LRRC4C: variants seen among roughly 807,000 people sequenced by gnomAD.
The protein encoded by LRRC4C is leucine-rich repeat-containing protein 4C.
In LRRC4C, 5 loss-of-function variants were observed where a neutral mutation model predicts 33.6. That is an observed-to-expected ratio of 0.15 (90% CI 0.08 to 0.31). The LOEUF (loss-of-function observed/expected upper bound fraction) is 0.31, where lower values mean the gene tolerates loss of function less well. Among genes scored for constraint, LRRC4C ranks in the 10% least tolerant of loss-of-function variants. LRRC4C has a pLI of 1.00. For missense variants in LRRC4C, 560 were observed against 796.7 expected, an observed-to-expected ratio of 0.70 and a Z score of 3.58; for synonymous variants, 329 against 302.0, an observed-to-expected ratio of 1.09 and a Z score of -0.93.
Position 40,115,066 on chromosome 11 carries a change from A to G in LRRC4C, c.1227T>C (p.Gly409=). The G allele has an allele frequency of 6.2e-7, 1 of 1,614,232 alleles. No homozygotes were observed. Among genetic ancestry groups the G allele is most frequent in the Non-Finnish European group, 8.5e-7 (1 of 1,180,048 alleles). ...YKVRIAVLSD[G]TLNFTNVTVQ... is the part of the protein sequence containing the mutation. ...CAGTTACATTTGTGAAATTTAACGT[A>G]CCATCACTGAGCACAGCTATCCGCA... The change falls in exon 7 of 7, where the codon GGT becomes GGC. Residue 409 remains glycine, a synonymous_variant. Coordinates refer to ENST00000528697, the MANE Select transcript of LRRC4C (RefSeq NM_001258419.2). The surrounding 1 kb of genome is among the most constrained non-coding windows in gnomAD (Gnocchi z 6.7).
At chr11:40,433,985 G>A (rs909432097) in intron 3 of LRRC4C, among the ~76,000 whole-genome samples, 2 of 152,134 alleles carry the variant, frequency 1.3e-5, no homozygotes, top group Non-Finnish European at 2.9e-5. Context: ...TAACCCTAAT[G>A]GGAAGACTGT....
chr11:41,380,648 A>G (rs80155448), intron 1 of LRRC4C, among the ~76,000 whole-genome samples: 1 of 152,302 alleles, frequency 6.6e-6, no homozygotes, highest in East Asian at 1.9e-4. Flanking sequence ...AAACAGGATA[A>G]GTAAAAATGG....
chr11:40,441,260 T>C (rs1473178354), intron 3 of LRRC4C, among the ~76,000 whole-genome samples: 1 of 152,214 alleles, frequency 6.6e-6, no homozygotes, highest in Non-Finnish European at 1.5e-5. Context: ...TTTGCTCAAC[T>C]GCTCTCTTTG....
chr11:41,131,100 T>C (rs1942989705), intron 1 of LRRC4C, among the ~76,000 whole-genome samples: 1 of 152,032 alleles, frequency 6.6e-6, no homozygotes, highest in South Asian at 2.1e-4. Context: ...TGCACAAACA[T>C]TGGATCAAGT....
chr11:40,741,694 T>G (rs1399366250), intron 2 of LRRC4C, among the ~76,000 whole-genome samples: 1 of 152,092 alleles, frequency 6.6e-6, no homozygotes, highest in East Asian at 1.9e-4. Flanking sequence ...AAAATCAAAA[T>G]TTTAGCTTTG....
rs538773028 is a variant in LRRC4C, at chr11:41,392,178, G to A, written c.-496+67253C>T. On this transcript the variant is annotated intron_variant, in intron 1 of 6. Coordinates refer to ENST00000528697, the MANE Select transcript of LRRC4C (RefSeq NM_001258419.2). Reference sequence around the variant, plus strand: ...GATAAGGCACTTTCATCTATGACCCGATTGATATTTCTTAGTAGAATGACT... The same window carrying A: ...GATAAGGCACTTTCATCTATGACCCAATTGATATTTCTTAGTAGAATGACT... Among the ~76,000 whole-genome samples the A allele has an allele frequency of 6.6e-5, 10 of 151,982 alleles. No individual in the cohort carries two copies. The South Asian group carries it at 1.7e-3, about 25-fold the overall frequency.
chr11:40,342,560 A>T (rs1177003009), intron 3 of LRRC4C, among the ~76,000 whole-genome samples: 11 of 152,194 alleles, frequency 7.2e-5, no homozygotes, highest in Non-Finnish European at 1.3e-4. Context: ...ATAGGTAAAG[A>T]AGATGGAGAA....
chr11:40,478,610 G>C (rs1479916524), intron 3 of LRRC4C, among the ~76,000 whole-genome samples: 1 of 152,128 alleles, frequency 6.6e-6, no homozygotes, highest in African/African-American at 2.4e-5. Flanking sequence ...TGTTACATAG[G>C]TATACATGTG....
At chr11:40,673,986 A>T (rs1944261049) in intron 2 of LRRC4C, among the ~76,000 whole-genome samples, 1 of 152,188 alleles carries the variant, frequency 6.6e-6, no homozygotes, top group Non-Finnish European at 1.5e-5. Context: ...CTTCCCCAGC[A>T]GTTACCTCAA....
At chr11:40,747,000 G>T (rs1371950256) in intron 2 of LRRC4C, among the ~76,000 whole-genome samples, 1 of 152,164 alleles carries the variant, frequency 6.6e-6, no homozygotes, top group East Asian at 1.9e-4. Context: ...GGCCATTGTG[G>T]CTATTATTGG....
chr11:40,506,985 T>C (rs1165444346), intron 3 of LRRC4C, among the ~76,000 whole-genome samples: 1 of 152,128 alleles, frequency 6.6e-6, no homozygotes, highest in Non-Finnish European at 1.5e-5. Flanking sequence ...CTACTAAGTA[T>C]ATATTCTTAT....
intron 1 of LRRC4C, among the ~76,000 whole-genome samples, chr11:41,099,810 T>C (rs1030546937): frequency 4.6e-5 from 7 of 152,076 alleles, no homozygotes; most frequent in Admixed American, 3.9e-4. Flanking sequence ...CCAATTCTAT[T>C]CTACATAGTA....
intron 1 of LRRC4C, among the ~76,000 whole-genome samples, chr11:41,164,613 T>A (rs1417157309): frequency 6.6e-6 from 1 of 152,152 alleles, no homozygotes; most frequent in Non-Finnish European, 1.5e-5. Flanking sequence ...AACACCCAAG[T>A]CATGTATTAC....
chr11:40,737,136 A>G (rs1947912132), intron 2 of LRRC4C, among the ~76,000 whole-genome samples: 1 of 152,166 alleles, frequency 6.6e-6, no homozygotes, highest in Admixed American at 6.5e-5. Context: ...TTATCTCAAT[A>G]GATGCCGAAA....
At chr11:41,374,285 C>T (rs774171715) in intron 1 of LRRC4C, among the ~76,000 whole-genome samples, 4 of 152,054 alleles carry the variant, frequency 2.6e-5, no homozygotes, top group Non-Finnish European at 4.4e-5. Context: ...AATTATCACA[C>T]TATATGATAT....
intron 1 of LRRC4C, among the ~76,000 whole-genome samples, chr11:41,176,843 T>C (rs1378211008): frequency 2.0e-5 from 3 of 152,066 alleles, no homozygotes; most frequent in Admixed American, 1.3e-4. Context: ...TGTGCACCTG[T>C]AGTCCTAGCT....
intron 1 of LRRC4C, among the ~76,000 whole-genome samples, chr11:41,433,222 A>G (rs952672431): frequency 9.2e-5 from 14 of 152,188 alleles, no homozygotes; most frequent in African/African-American, 2.9e-4. Flanking sequence ...TATCAAAAAT[A>G]TAAGTTTTAG....
At chr11:41,054,309 G>A (rs555895604) in intron 1 of LRRC4C, among the ~76,000 whole-genome samples, 62 of 152,256 alleles carry the variant, frequency 4.1e-4, no homozygotes, top group Admixed American at 1.2e-3. Flanking sequence ...ACCGGTGAAC[G>A]TTCATTGGGC....
intron 1 of LRRC4C, among the ~76,000 whole-genome samples, chr11:41,330,495 C>T (rs1055270183): frequency 6.6e-6 from 1 of 152,054 alleles, no homozygotes; most frequent in Non-Finnish European, 1.5e-5. Flanking sequence ...ACATTAGATG[C>T]CGTCAACATG....
Sources: gnomAD v4.1 joint callset for allele counts (sites outside exome capture counted in the v4.1 genomes callset) on GRCh38, gnomAD v4.1.1 for gene constraint, Gnocchi (gnomAD v3.1) non-coding constraint, MANE v1.5 for transcripts, NCBI Gene and HGNC (gene_info 2026-07-23, HGNC 2026-07-21) for gene names.